The following DMBT1 variants were observed in gnomAD, a reference collection of about 807,000 sequenced individuals.
The protein encoded by DMBT1 is scavenger receptor cysteine-rich domain-containing protein DMBT1.
DMBT1 carries 198 observed loss-of-function variants against 252.9 expected under a neutral mutation model. That is an observed-to-expected ratio of 0.78 (90% CI 0.70 to 0.88). The LOEUF is 0.88. Among genes scored for constraint, DMBT1 ranks in the 40% least tolerant of loss-of-function variants. The pLI is 0.00. For missense variants in DMBT1, 2,432 were observed against 2,404.7 expected (o/e 1.01, Z -0.24); for synonymous variants, 990 against 942.7 (o/e 1.05, Z -0.92).
Position 122,576,121 on chromosome 10 carries a change from G to C in DMBT1, c.284-278G>C, listed in dbSNP as rs1233127740. 2.0e-5 allele frequency among the ~76,000 whole-genome samples: 3 copies of C among 152,338 alleles called. No homozygotes were observed. The South Asian group carries it at 6.2e-4, about 32-fold the overall frequency. On this transcript the variant is annotated intron_variant, in intron 6 of 55. Transcript: ENST00000338354. ...TCAGGCAGAGCCCATGGTCTGCTTA[G>C]AGAAGGGTCATGTGTATCTCTAGGT...
intron 15 of DMBT1, among the ~76,000 whole-genome samples, chr10:122,585,530 T>C (rs2097782167): frequency 1.4e-5 from 2 of 148,034 alleles, no homozygotes; most frequent in Non-Finnish European, 3.0e-5. Context: ...CTGTTCCAAG[T>C]GGTCAGGAAA....
At chr10:122,633,108 TAATTTA>T (rs1352214146) in intron 51 of DMBT1, 77 bp from the exon 52 acceptor site, 100 of 1,533,430 alleles carry the variant, frequency 6.5e-5, no homozygotes, top group Non-Finnish European at 8.3e-5. Flanking sequence ...AATTTTAAAG[TAATTTA>T]AATTTAAAGT....
At position 122,636,070 on chromosome 10, in the gene DMBT1, T is replaced by C; in HGVS notation, c.6628T>C (p.Cys2210Arg). 3.7e-6 allele frequency: 6 copies of C among 1,614,024 alleles called. No homozygotes were observed. The highest frequency in any genetic ancestry group is 5.1e-6 in the Non-Finnish European group (6 of 1,179,896). The change falls in exon 53 of 56, where the codon TGT becomes CGT. Residue 2210 changes from cysteine to arginine, a missense_variant. Cys to Arg is a radical substitution (Grantham distance 180). Transcript: ENST00000338354. ...YRSSPLIARVCDGARGSFTSS... is the reference protein window; with the variant it reads ...YRSSPLIARVRDGARGSFTSS... ...CAGTTCCCCTCTCATTGCTCGAGTT[T>C]GTGATGGGGCCAGAGGCTCCTTCAC...
chr10:122,630,128 C>A, intron 47 of DMBT1, 135 bp downstream of exon 47: 2 of 1,398,456 alleles, frequency 1.4e-6, no homozygotes, highest in Non-Finnish European at 2.0e-6. Flanking sequence ...TGATTCCTAC[C>A]ATAAAGCATC....
rs551994727 is a variant in DMBT1 at position 122,600,824 on chromosome 10, G to A, written c.3311-167G>A. Among the ~76,000 whole-genome samples, 366 of 152,086 alleles carry A rather than the reference G, an allele frequency of 2.4e-3. 1 individual carries two copies. The highest frequency in any genetic ancestry group is 7.2e-3 in the African/African-American group (300 of 41,520). The stretch of plus-strand genomic sequence containing the variant: ...CTGGTCTCCAGCAGGACCTTTGTCC[G>A]TGGATGAGTTCACAGCAGAGGAGAC... On this transcript the variant is annotated intron_variant, in intron 27 of 55. Transcript: ENST00000338354.
intron 46 of DMBT1, among the ~76,000 whole-genome samples, chr10:122,628,069 G>A (rs1265454842): frequency 6.6e-6 from 1 of 152,208 alleles, no homozygotes; most frequent in Non-Finnish European, 1.5e-5. Flanking sequence ...CACGGCTGCA[G>A]GGAATGTAAA....
intron 26 of DMBT1, among the ~76,000 whole-genome samples, chr10:122,599,773 G>A (rs1317296857): frequency 6.6e-6 from 1 of 152,176 alleles, no homozygotes; most frequent in African/African-American, 2.4e-5. Context: ...CCTCAGCCTT[G>A]CTGACTCAAG....
Position 122,585,244 on chromosome 10 carries a change from T to C in DMBT1, c.1421-27T>C, listed in dbSNP as rs758469147. 1.9e-6 allele frequency: 3 copies of C among 1,584,650 alleles called. No homozygotes were observed. In the South Asian group the frequency reaches 3.5e-5, roughly 18 times the overall value. ...AGATTTTCACCATCAACTTTAATTC[T>C]AGCCTTTGTCTCTGTTGCAATTACA... On this transcript the variant is annotated intron_variant, in intron 14 of 55. Transcript: ENST00000338354.
chr10:122,598,956 C>T lies in DMBT1; in HGVS notation c.3139C>T (p.Arg1047Trp), dbSNP rs374888022. Residue 1047 changes from arginine to tryptophan, a missense_variant, in exon 26 of 56, where the codon CGG becomes TGG. Physicochemically the swap from Arg to Trp is moderately radical, Grantham distance 101 (BLOSUM62 -3). This residue lies in a region of DMBT1 where 1,264 missense variants were observed against 1,082.2 expected (regional missense o/e 1.17). Coordinates refer to ENST00000338354, the MANE Select transcript of DMBT1 (RefSeq NM_001377530.1). The stretch of plus-strand genomic sequence containing the variant: ...GGCCATGTCAGCCCCAGGAAATGCC[C>T]GGTTTGGTCAGGGCTCAGGACCCAT... Reference protein sequence around the residue: ...GWAMSAPGNARFGQGSGPIVL... With the variant: ...GWAMSAPGNAWFGQGSGPIVL... 3.6e-5 allele frequency: 58 copies of T among 1,613,646 alleles called. No homozygotes were observed. The highest frequency in any genetic ancestry group is 2.2e-4 in the East Asian group (10 of 44,870).
At position 122,620,405 on chromosome 10, in the gene DMBT1, C is replaced by T. The variant is rs534387136; in HGVS notation, c.5284+114C>T. 68 of 1,308,082 alleles carry T rather than the reference C, an allele frequency of 5.2e-5. No homozygotes were observed. In the East Asian group the frequency reaches 8.2e-4, roughly 16 times the overall value. 81.0% of individuals were successfully genotyped at this position (1,308,082 alleles called of 1,614,324 possible). On this transcript the variant is annotated intron_variant, in intron 43 of 55. Coordinates refer to ENST00000338354, the MANE Select transcript of DMBT1 (RefSeq NM_001377530.1). ...GGCGCCTCTGTTTTTCATGTTTCCGCGAGTTGCCTGGGGAGGTAGACTCCC... is the reference window on the plus strand; with the variant it reads ...GGCGCCTCTGTTTTTCATGTTTCCGTGAGTTGCCTGGGGAGGTAGACTCCC...
At chr10:122,570,046 G>A in intron 2 of DMBT1, 116 bp from the exon 3 acceptor site, 1 of 963,742 alleles carries the variant, frequency 1.0e-6, no homozygotes, top group South Asian at 1.3e-5. Context: ...TTTTAGCAAT[G>A]GAGGGTGCCC....
Position 122,585,315 on chromosome 10 carries a change from T to C in DMBT1, c.1459+6T>C. On this transcript the variant is annotated splice_donor_region_variant and intron_variant, in intron 15 of 55. Coordinates refer to ENST00000338354, the MANE Select transcript of DMBT1 (RefSeq NM_001377530.1). Reference sequence around the variant, plus strand: ...CTTACCTGCATCGACAGTAGGTAAATAATCCTCTCGCCCCTCCCTAGGGCT... The same window carrying C: ...CTTACCTGCATCGACAGTAGGTAAACAATCCTCTCGCCCCTCCCTAGGGCT... The C allele has an allele frequency of 6.3e-7, 1 of 1,585,874 alleles. No individual in the cohort carries two copies. Among genetic ancestry groups the C allele is most frequent in the Non-Finnish European group, 8.6e-7 (1 of 1,163,766 alleles).
intron 6 of DMBT1, among the ~76,000 whole-genome samples, chr10:122,574,384 C>T (rs958051597): frequency 6.6e-6 from 1 of 152,128 alleles, no homozygotes; most frequent in Admixed American, 6.5e-5. Context: ...AAATCTTGGC[C>T]CTAGGAGAAG....
intron 15 of DMBT1, among the ~76,000 whole-genome samples, chr10:122,585,720 C>T (rs1367984499): frequency 6.7e-6 from 1 of 148,514 alleles, no homozygotes; most frequent in Admixed American, 6.7e-5. Flanking sequence ...CCAGACAGGA[C>T]CATAGGATTG....
intron 49 of DMBT1, 34 bp from the exon 50 acceptor site, chr10:122,631,820 CT>C: frequency 6.2e-7 from 1 of 1,613,390 alleles, no homozygotes; most frequent in Non-Finnish European, 8.5e-7. Context: ...AGCCACATGT[CT>C]GTGACCTATG....
At chr10:122,566,274 T>G (rs1031210262) in intron 2 of DMBT1, among the ~76,000 whole-genome samples, 4 of 152,134 alleles carry the variant, frequency 2.6e-5, no homozygotes, top group African/African-American at 9.7e-5. Flanking sequence ...TGAGGAGAGA[T>G]AGTTGAAAAT....
chr10:122,565,948 G>A lies in DMBT1; in HGVS notation c.62-19G>A. The A allele has an allele frequency of 1.2e-6, 2 of 1,613,500 alleles. No individual in the cohort carries two copies. The highest frequency in any genetic ancestry group is 8.5e-7 in the Non-Finnish European group (1 of 1,179,544). ...CATTTCTAAACAGTGTTTCTAAGAC[G>A]AATTTGTGTTCTTTCCAGGTGGGTG... On this transcript the variant is annotated intron_variant, in intron 1 of 55. Coordinates refer to ENST00000338354, the MANE Select transcript of DMBT1 (RefSeq NM_001377530.1).
intron 52 of DMBT1, among the ~76,000 whole-genome samples, chr10:122,635,326 A>T (rs2098217799): frequency 1.3e-5 from 2 of 152,008 alleles, no homozygotes; most frequent in Admixed American, 1.3e-4. Flanking sequence ...ATGCATATTG[A>T]TTTTATTCTG....
Position 122,563,578 on chromosome 10 carries a change from C to T in DMBT1, c.62-2389C>T, listed in dbSNP as rs1037524605. On this transcript the variant is annotated intron_variant, in intron 1 of 55. Coordinates refer to ENST00000338354, the MANE Select transcript of DMBT1 (RefSeq NM_001377530.1). The stretch of plus-strand genomic sequence containing the variant: ...CTCCAGCCTGGGTGACAGAGTGAGA[C>T]TCTGTCTCAAAAAAAAAAATTAATA... 7.6e-5 allele frequency among the ~76,000 whole-genome samples: 6 copies of T among 78,618 alleles called. No individual in the cohort carries two copies. In the South Asian group the frequency reaches 3.6e-3, roughly 47 times the overall value. The allele number at this position is 78,618 out of a possible 152,430, so 51.6% of individuals were successfully genotyped here.
Sources: allele counts gnomAD v4.1 joint callset (sites outside exome capture counted in the v4.1 genomes callset), GRCh38; gene constraint gnomAD v4.1.1; regional missense constraint gnomAD v4.1.1; transcripts MANE v1.5; gene names NCBI Gene and HGNC (gene_info 2026-07-23, HGNC 2026-07-21).